The following NRG3 variants were observed in gnomAD, a reference collection of about 807,000 sequenced individuals.
NRG3 encodes neuregulin 3, also known as pro-neuregulin-3, membrane-bound isoform.
Under a neutral mutation model 66.9 loss-of-function variants are expected in NRG3, and 31 were observed. The ratio of observed to expected loss-of-function variants is 0.46; its 90% confidence interval spans 0.35 to 0.63. NRG3 has a LOEUF of 0.63. Ranked by LOEUF, NRG3 falls within the 20% of genes least tolerant of loss-of-function variation. The probability of loss-of-function intolerance (pLI) is 0.00; values close to 1 mark genes in which losing one functional copy is unlikely to be tolerated. For synonymous variants in NRG3, 393 were observed against 359.4 expected (o/e 1.09, Z -1.06); for missense variants, 910 against 878.9 (o/e 1.04, Z -0.45).
chr10:82,482,025 A>G (rs2132155319), intron 2 of NRG3, among the ~76,000 whole-genome samples: 1 of 152,254 alleles, frequency 6.6e-6, no homozygotes, highest in African/African-American at 2.4e-5. Flanking sequence ...GAAATACAGT[A>G]TTATGTTTCG....
At chr10:82,335,784 C>T (rs577270733) in intron 1 of NRG3, among the ~76,000 whole-genome samples, 9 of 152,276 alleles carry the variant, frequency 5.9e-5, no homozygotes, top group African/African-American at 1.9e-4. Flanking sequence ...TGTGGTTAGA[C>T]ATCTTCTACA....
intron 1 of NRG3, among the ~76,000 whole-genome samples, chr10:82,213,576 G>T (rs1328705091): frequency 6.6e-6 from 1 of 152,076 alleles, no homozygotes; most frequent in Non-Finnish European, 1.5e-5. Context: ...TTAGATAAAT[G>T]ATATGGAACC....
chr10:82,131,217 G>A (rs1164931038), intron 1 of NRG3, among the ~76,000 whole-genome samples: 1 of 152,094 alleles, frequency 6.6e-6, no homozygotes, highest in Non-Finnish European at 1.5e-5. Flanking sequence ...TTTGATTTCT[G>A]TATATGGCAA....
chr10:82,228,972 A>G (rs562207932), intron 1 of NRG3: 1 of 152,326 alleles, frequency 6.6e-6, no homozygotes, highest in African/African-American at 2.4e-5. Context: ...TTCAAGGGAA[A>G]CTCCTTCGGA....
chr10:82,303,336 A>AACACACACACACACACAC (rs144860357), intron 1 of NRG3, among the ~76,000 whole-genome samples: 218 of 149,334 alleles, frequency 1.5e-3, no homozygotes, highest in African/African-American at 5.0e-3. Context: ...TGCGTGTATA[A>AACACACACACACACACAC]ACACACACAC....
At chr10:82,901,487 C>T (rs1312086756) in intron 4 of NRG3, among the ~76,000 whole-genome samples, 1 of 152,152 alleles carries the variant, frequency 6.6e-6, no homozygotes, top group Non-Finnish European at 1.5e-5. Flanking sequence ...GGAATCTTTC[C>T]TACACAAATG....
chr10:82,579,818 A>G (rs1204887280), intron 2 of NRG3, among the ~76,000 whole-genome samples: 1 of 151,978 alleles, frequency 6.6e-6, no homozygotes, highest in African/African-American at 2.4e-5. Context: ...GTTACATAAA[A>G]AAGTAATCAT....
rs75056682 is a variant in NRG3, at chr10:82,202,207, G to T, written c.824-156532G>T. On this transcript the variant is annotated intron_variant, in intron 1 of 8. Coordinates refer to ENST00000372141, the MANE Select transcript of NRG3 (RefSeq NM_001010848.4). ...CAGCACTGTGTTCACTAAGCCCCCT[G>T]ACTCACACACATGACACAGGGATCT... 3.2e-4 allele frequency among the ~76,000 whole-genome samples: 48 copies of T among 152,300 alleles called. No homozygotes were observed. In the East Asian group the frequency reaches 8.7e-3, roughly 28 times the overall value.
At chr10:82,906,130 G>T (rs2131925357) in intron 4 of NRG3, among the ~76,000 whole-genome samples, 1 of 152,280 alleles carries the variant, frequency 6.6e-6, no homozygotes, top group South Asian at 2.1e-4. Context: ...ACTCCACTGA[G>T]CTCCCATAGC....
intron 1 of NRG3, among the ~76,000 whole-genome samples, chr10:82,042,615 A>G (rs919996240): frequency 6.6e-6 from 1 of 152,106 alleles, no homozygotes; most frequent in Non-Finnish European, 1.5e-5. Context: ...TAATACATTT[A>G]GAATTGTCAA....
intron 1 of NRG3, among the ~76,000 whole-genome samples, chr10:82,144,583 T>C (rs953753374): frequency 5.3e-5 from 8 of 152,172 alleles, no homozygotes; most frequent in Non-Finnish European, 1.0e-4. Flanking sequence ...AGACGTGTAA[T>C]AAAATTCCAG....
intron 2 of NRG3, among the ~76,000 whole-genome samples, chr10:82,399,327 T>C (rs2086923693): frequency 6.6e-6 from 1 of 152,166 alleles, no homozygotes; most frequent in Non-Finnish European, 1.5e-5. Context: ...AAAAGTATAA[T>C]ACAAAATATC....
chr10:82,655,783 G>T (rs2051797651), intron 2 of NRG3, among the ~76,000 whole-genome samples: 1 of 152,152 alleles, frequency 6.6e-6, no homozygotes, highest in Non-Finnish European at 1.5e-5. Context: ...AGAATATTAT[G>T]TGACTATTAG....
chr10:82,281,818 T>TATTG (rs1035606729), intron 1 of NRG3, among the ~76,000 whole-genome samples: 9 of 152,074 alleles, frequency 5.9e-5, no homozygotes, highest in African/African-American at 2.2e-4. Flanking sequence ...CCATGTCAGG[T>TATTG]TTTGTTTGTT....
In NRG3 at chr10:82,855,072, T is replaced by C. The variant is rs76343189; in HGVS notation, c.1028-10339T>C. 4.6e-3 allele frequency among the ~76,000 whole-genome samples: 707 copies of C among 152,248 alleles called. 5 individuals are homozygous for C. Among genetic ancestry groups the C allele is most frequent in the Non-Finnish European group, 7.0e-3 (479 of 68,018 alleles). The stretch of plus-strand genomic sequence containing the variant: ...TCTTCATGTCACAAGGTGTTATCCA[T>C]GACGGGAAGTGGGGGTGAGTTGTCT... On this transcript the variant is annotated intron_variant, in intron 3 of 8. Coordinates refer to ENST00000372141, the MANE Select transcript of NRG3 (RefSeq NM_001010848.4).
chr10:82,029,846 A>G (rs944283849), intron 1 of NRG3, among the ~76,000 whole-genome samples: 18 of 152,214 alleles, frequency 1.2e-4, no homozygotes, highest in Non-Finnish European at 1.9e-4. Flanking sequence ...ACATTTTGGC[A>G]TTTTGAATGG....
At chr10:82,498,795 G>A (rs866938460) in intron 2 of NRG3, among the ~76,000 whole-genome samples, 3 of 152,212 alleles carry the variant, frequency 2.0e-5, no homozygotes, top group Non-Finnish European at 4.4e-5. Flanking sequence ...GTATTCATAT[G>A]GCACTGTGGG....
chr10:82,079,924 G>A (rs1393141281), intron 1 of NRG3, among the ~76,000 whole-genome samples: 1 of 152,062 alleles, frequency 6.6e-6, no homozygotes, highest in African/African-American at 2.4e-5. Flanking sequence ...GATTTATTTG[G>A]TTATGAATCA....
At chr10:82,550,043 C>A (rs192193578) in intron 2 of NRG3, among the ~76,000 whole-genome samples, 90 of 152,088 alleles carry the variant, frequency 5.9e-4, no homozygotes, top group African/African-American at 2.0e-3. Flanking sequence ...AAGAAATTTC[C>A]CAAGAGATGA....
Sources: gnomAD v4.1 joint callset for allele counts (sites outside exome capture counted in the v4.1 genomes callset) on GRCh38, gnomAD v4.1.1 for gene constraint, MANE v1.5 for transcripts, NCBI Gene and HGNC (gene_info 2026-07-23, HGNC 2026-07-21) for gene names.